NEK1: variants seen among roughly 807,000 people sequenced by gnomAD.
The protein encoded by NEK1 is NIMA related kinase 1, also known as serine/threonine-protein kinase Nek1.
Under a neutral mutation model 182.1 loss-of-function variants are expected in NEK1, and 137 were observed. The observed-to-expected ratio is 0.75, with a 90% CI of 0.65 to 0.87. The LOEUF (loss-of-function observed/expected upper bound fraction) is 0.87, where lower values mean the gene tolerates loss of function less well. NEK1 is among the 40% of genes least tolerant of loss of function. The pLI is 0.00. For synonymous variants in NEK1, 513 were observed against 492.2 expected (o/e 1.04, Z -0.56); for missense variants, 1,391 against 1,494.4 (o/e 0.93, Z 1.14).
intron 5 of NEK1, among the ~76,000 whole-genome samples, chr4:169,594,340 T>C (rs1769075996): frequency 6.6e-6 from 1 of 152,196 alleles, no homozygotes. Flanking sequence ...TATGCATTAA[T>C]TTTTTAAAGG....
intron 12 of NEK1, 163 bp downstream of exon 12, chr4:169,576,765 T>C (rs1165794789): frequency 4.9e-6 from 3 of 612,920 alleles, no homozygotes; most frequent in Non-Finnish European, 5.6e-6. Flanking sequence ...ATGACTCCTG[T>C]AAGGCTTCTC....
At chr4:169,596,571 C>T (rs1769529078) in intron 5 of NEK1, among the ~76,000 whole-genome samples, 1 of 152,134 alleles carries the variant, frequency 6.6e-6, no homozygotes, top group Non-Finnish European at 1.5e-5. Context: ...TGCTTCTTAA[C>T]CTGACTAGAT....
chr4:169,538,619 C>T (rs1018996861), intron 18 of NEK1, among the ~76,000 whole-genome samples: 1 of 151,988 alleles, frequency 6.6e-6, no homozygotes, highest in African/African-American at 2.4e-5. Context: ...ATGGAAGATA[C>T]AAATATAAAT....
At chr4:169,430,632 A>G (rs1561173617) in intron 29 of NEK1, among the ~76,000 whole-genome samples, 4 of 152,236 alleles carry the variant, frequency 2.6e-5, no homozygotes, top group African/African-American at 9.6e-5. Flanking sequence ...GGTGAAGCAC[A>G]GAGGATTGTA....
chr4:169,477,767 C>G (rs1168464323), intron 24 of NEK1, among the ~76,000 whole-genome samples: 6 of 151,862 alleles, frequency 4.0e-5, no homozygotes, highest in Non-Finnish European at 7.4e-5. Context: ...TCCTCTTCCT[C>G]TTTGGTACCT....
At chr4:169,498,583 C>G (rs1438083383) in intron 23 of NEK1, among the ~76,000 whole-genome samples, 1 of 152,080 alleles carries the variant, frequency 6.6e-6, no homozygotes, top group Admixed American at 6.5e-5. Flanking sequence ...TTCTGGAGCT[C>G]TTTTAGGGCA....
chr4:169,421,807 TAAGA>T (rs1735529469), intron 31 of NEK1, among the ~76,000 whole-genome samples: 1 of 152,180 alleles, frequency 6.6e-6, no homozygotes, highest in Non-Finnish European at 1.5e-5. Context: ...CAAGCGTAGT[TAAGA>T]ATTTCAATCT....
chr4:169,556,213 A>G (rs1377988135), intron 16 of NEK1, 118 bp from the exon 17 acceptor site: 4 of 891,678 alleles, frequency 4.5e-6, no homozygotes, highest in South Asian at 2.3e-5. Context: ...ATTACTTAAT[A>G]TGAACATACT....
chr4:169,586,298 T>G (rs1459479317), intron 9 of NEK1, among the ~76,000 whole-genome samples: 1 of 152,062 alleles, frequency 6.6e-6, no homozygotes, highest in African/African-American at 2.4e-5. Flanking sequence ...TACTATAAAT[T>G]AGGCATCAGT....
intron 27 of NEK1, among the ~76,000 whole-genome samples, chr4:169,449,991 G>A (rs1434114367): frequency 2.0e-5 from 3 of 152,196 alleles, no homozygotes; most frequent in African/African-American, 7.2e-5. Flanking sequence ...TCAATGACCT[G>A]ATGGAGCTGA....
At chr4:169,453,775 G>A (rs1742302582) in intron 27 of NEK1, among the ~76,000 whole-genome samples, 1 of 152,192 alleles carries the variant, frequency 6.6e-6, no homozygotes, top group Non-Finnish European at 1.5e-5. Flanking sequence ...CTGGCTTACT[G>A]TTAATAAATA....
At chr4:169,588,620 C>T (rs1276990868) in intron 8 of NEK1, 29 bp downstream of exon 8, 2 of 1,348,892 alleles carry the variant, frequency 1.5e-6, no homozygotes, top group Non-Finnish European at 2.1e-6. Flanking sequence ...AAAGCAAATA[C>T]ATCACATAAT....
intron 18 of NEK1, among the ~76,000 whole-genome samples, chr4:169,542,167 C>T (rs557960048): frequency 6.6e-6 from 1 of 152,150 alleles, no homozygotes; most frequent in East Asian, 1.9e-4. Flanking sequence ...CTATCCATCC[C>T]CTAGCCCCCG....
intron 23 of NEK1, among the ~76,000 whole-genome samples, chr4:169,486,673 A>C (rs1749096017): frequency 6.6e-6 from 1 of 152,226 alleles, no homozygotes. Flanking sequence ...AATTTTCTTA[A>C]CTAGTATTGC....
rs975685709 is a variant in NEK1 at position 169,394,043 on chromosome 4, T to C, written c.*467A>G. 2 of 153,222 alleles carry C rather than the reference T, an allele frequency of 1.3e-5. No homozygotes were observed. The highest frequency in any genetic ancestry group is 4.8e-5 in the African/African-American group (2 of 41,338). 9.5% of individuals were successfully genotyped at this position (153,222 alleles called of 1,614,324 possible). ...GATGTAAACAGAGCCCTTGACAAGGTGATTTAATGTAGAACTGCTGGCCAG... is the reference window on the plus strand; with the variant it reads ...GATGTAAACAGAGCCCTTGACAAGGCGATTTAATGTAGAACTGCTGGCCAG... On this transcript the variant is annotated 3_prime_UTR_variant, in exon 36 of 36. Transcript: ENST00000507142.
chr4:169,578,173 C>G (rs1158899954), intron 11 of NEK1, among the ~76,000 whole-genome samples: 2 of 152,062 alleles, frequency 1.3e-5, no homozygotes, highest in East Asian at 3.8e-4. Flanking sequence ...GGGATAAGTT[C>G]AAGAAAAACA....
At chr4:169,511,142 T>A (rs1754104447) in intron 19 of NEK1, among the ~76,000 whole-genome samples, 1 of 152,132 alleles carries the variant, frequency 6.6e-6, no homozygotes, top group Admixed American at 6.6e-5. Flanking sequence ...ACTTCTTGGG[T>A]GTACCAGAGC....
intron 19 of NEK1, among the ~76,000 whole-genome samples, chr4:169,536,589 G>A (rs1272033973): frequency 6.6e-6 from 1 of 151,496 alleles, no homozygotes; most frequent in Non-Finnish European, 1.5e-5. Flanking sequence ...TCAAGCATGA[G>A]GACAAAATAA....
chr4:169,451,690 A>T (rs1741809100), intron 27 of NEK1, among the ~76,000 whole-genome samples: 1 of 152,358 alleles, frequency 6.6e-6, no homozygotes, highest in South Asian at 2.1e-4. Context: ...AGCAGGAAAG[A>T]TCTAAAATTG....
Sources: gnomAD v4.1 joint callset for allele counts (sites outside exome capture counted in the v4.1 genomes callset) on GRCh38, gnomAD v4.1.1 for gene constraint, MANE v1.5 for transcripts, NCBI Gene and HGNC (gene_info 2026-07-23, HGNC 2026-07-21) for gene names.